The following MATN2 variants were observed in gnomAD, a reference collection of about 807,000 sequenced individuals.
MATN2 encodes the protein matrilin-2.
Under a neutral mutation model 103.2 loss-of-function variants are expected in MATN2, and 69 were observed. The ratio of observed to expected loss-of-function variants is 0.67; its 90% CI spans 0.55 to 0.82. The LOEUF (loss-of-function observed/expected upper bound fraction) is 0.82, where lower values mean the gene tolerates loss of function less well. Among genes scored for constraint, MATN2 ranks in the 40% least tolerant of loss-of-function variants. The probability of loss-of-function intolerance (pLI) is 0.00; values close to 1 mark genes in which losing one functional copy is unlikely to be tolerated. For synonymous variants in MATN2, 429 were observed against 450.2 expected (o/e 0.95, Z 0.60); for missense variants, 1,023 against 1,211.5 (o/e 0.84, Z 2.31).
intron 4 of MATN2, among the ~76,000 whole-genome samples, chr8:97,946,404 C>A (rs1034412428): frequency 6.6e-6 from 1 of 152,156 alleles, no homozygotes; most frequent in Non-Finnish European, 1.5e-5. Context: ...TTCAAAAAGT[C>A]TTCCCTGTCA....
intron 3 of MATN2, among the ~76,000 whole-genome samples, chr8:97,935,577 G>T (rs1291294306): frequency 6.6e-6 from 1 of 152,096 alleles, no homozygotes; most frequent in African/African-American, 2.4e-5. Context: ...GAGTGCAGTG[G>T]CATGATCATA....
At chr8:97,927,426 C>G (rs922115210) in intron 2 of MATN2, among the ~76,000 whole-genome samples, 2 of 152,070 alleles carry the variant, frequency 1.3e-5, no homozygotes, top group Non-Finnish European at 2.9e-5. Flanking sequence ...TCCCAAAGTG[C>G]TGGGATTACA....
intron 2 of MATN2, among the ~76,000 whole-genome samples, chr8:97,895,200 C>A (rs1818770375): frequency 6.6e-6 from 1 of 152,084 alleles, no homozygotes; most frequent in African/African-American, 2.4e-5. Context: ...GGCTTAGCTG[C>A]CACTCAATGG....
chr8:97,921,040 A>G (rs1184556117), intron 2 of MATN2, among the ~76,000 whole-genome samples: 1 of 151,902 alleles, frequency 6.6e-6, no homozygotes, highest in Non-Finnish European at 1.5e-5. Flanking sequence ...TTGATTTCGA[A>G]CCCTACGTGC....
At chr8:98,029,975 A>T (rs1813949886) in intron 14 of MATN2, among the ~76,000 whole-genome samples, 1 of 152,214 alleles carries the variant, frequency 6.6e-6, no homozygotes, top group South Asian at 2.1e-4. Context: ...ACTTCCTCAC[A>T]AAGTTGTGTC....
chr8:98,003,077 G>T (rs1563719344), intron 7 of MATN2, among the ~76,000 whole-genome samples: 1 of 151,976 alleles, frequency 6.6e-6, no homozygotes, highest in African/African-American at 2.4e-5. Flanking sequence ...CCAGGCATTT[G>T]TGTTCACTGT....
At chr8:98,003,963 CT>C in intron 8 of MATN2, 180 bp downstream of exon 8, 1 of 666,028 alleles carries the variant, frequency 1.5e-6, no homozygotes, top group Non-Finnish European at 2.5e-6. Context: ...TGCTATCGGC[CT>C]AGCCAACTTG....
intron 1 of MATN2, among the ~76,000 whole-genome samples, chr8:97,882,031 C>T (rs889475890): frequency 6.8e-6 from 1 of 146,414 alleles, no homozygotes; most frequent in Non-Finnish European, 1.5e-5. Context: ...AAGCAATTCT[C>T]CTGCCTCACC....
intron 2 of MATN2, among the ~76,000 whole-genome samples, chr8:97,923,115 A>C (rs1375062080): frequency 1.3e-5 from 2 of 149,254 alleles, no homozygotes; most frequent in East Asian, 3.9e-4. Context: ...TAAAACGTAC[A>C]TTTTGCATGC....
chr8:97,944,196 T>A (rs1008322715), intron 4 of MATN2, among the ~76,000 whole-genome samples: 1 of 152,214 alleles, frequency 6.6e-6, no homozygotes, highest in Non-Finnish European at 1.5e-5. Flanking sequence ...AACTGACTTC[T>A]GGGCTCACCC....
At chr8:97,995,809 CTT>C (rs1296788723) in intron 7 of MATN2, among the ~76,000 whole-genome samples, 1 of 152,230 alleles carries the variant, frequency 6.6e-6, no homozygotes, top group East Asian at 1.9e-4. Context: ...CGGAGCCTGT[CTT>C]ATAAAACTAT....
chr8:97,912,920 T>G (rs1458820558), intron 2 of MATN2, among the ~76,000 whole-genome samples: 1 of 152,158 alleles, frequency 6.6e-6, no homozygotes, highest in African/African-American at 2.4e-5. Flanking sequence ...GAAAAAGATT[T>G]AACACGGGGA....
intron 2 of MATN2, among the ~76,000 whole-genome samples, chr8:97,895,373 T>A (rs1046047546): frequency 6.6e-6 from 1 of 152,204 alleles, no homozygotes; most frequent in African/African-American, 2.4e-5. Flanking sequence ...TGATTAAAAC[T>A]TTTGTCTCCT....
At position 98,022,376 on chromosome 8, in the gene MATN2, CACAT is replaced by C. The variant is rs1425473581; in HGVS notation, c.1942+1053_1942+1056del. On this transcript the variant is annotated intron_variant, in intron 13 of 18. Coordinates refer to ENST00000254898, the MANE Select transcript of MATN2 (RefSeq NM_002380.5). ...CCTTATGCACACACACACACACACA[CACAT>C]ACACACACCCTTTTTCTAATATTTA... Among the ~76,000 whole-genome samples, 30 of 138,686 alleles carry C rather than the reference CACAT, an allele frequency of 2.2e-4. No homozygotes were observed. In the East Asian group the frequency reaches 5.4e-3, roughly 25 times the overall value. The allele number at this position is 138,686 out of a possible 152,430, so 91.0% of individuals were successfully genotyped here.
Position 98,027,384 on chromosome 8 carries a change from C to A in MATN2, c.1943-32C>A. 6 of 1,532,638 alleles carry A rather than the reference C, an allele frequency of 3.9e-6. No individual in the cohort carries two copies. The South Asian group carries it at 7.6e-5, about 19-fold the overall frequency. The allele number at this position is 1,532,638 out of a possible 1,614,324, so 94.9% of individuals were successfully genotyped here. On this transcript the variant is annotated intron_variant, in intron 13 of 18. Coordinates refer to ENST00000254898, the MANE Select transcript of MATN2 (RefSeq NM_002380.5). ...TCTTGTGCATAAATGATTTTTTATTCAACTATGTCAACTTTCCTTCTGTTC... is the reference window on the plus strand; with the variant it reads ...TCTTGTGCATAAATGATTTTTTATTAAACTATGTCAACTTTCCTTCTGTTC...
At chr8:97,924,973 C>T (rs1809944568) in intron 2 of MATN2, among the ~76,000 whole-genome samples, 1 of 152,086 alleles carries the variant, frequency 6.6e-6, no homozygotes, top group Admixed American at 6.5e-5. Flanking sequence ...CCTCTACTTC[C>T]TAGTGATAAA....
intron 5 of MATN2, among the ~76,000 whole-genome samples, chr8:97,972,791 T>A (rs1811707277): frequency 1.3e-5 from 2 of 152,234 alleles, no homozygotes; most frequent in Non-Finnish European, 2.9e-5. Flanking sequence ...TCTTAGCACT[T>A]GTGATCTGGA....
chr8:97,912,609 G>A (rs967165088), intron 2 of MATN2, among the ~76,000 whole-genome samples: 13 of 152,132 alleles, frequency 8.5e-5, no homozygotes, highest in Non-Finnish European at 1.5e-4. Context: ...TGTGTCTAGG[G>A]GAGTCTCTGC....
intron 1 of MATN2, among the ~76,000 whole-genome samples, chr8:97,869,877 G>T: frequency 6.6e-6 from 1 of 151,900 alleles, no homozygotes. Context: ...AGAGAAATGG[G>T]GACTGTCCCT....
Sources: allele counts gnomAD v4.1 joint callset (sites outside exome capture counted in the v4.1 genomes callset), GRCh38; gene constraint gnomAD v4.1.1; transcripts MANE v1.5; gene names NCBI Gene and HGNC (gene_info 2026-07-23, HGNC 2026-07-21).